H2AZ2: variants seen among roughly 807,000 people sequenced by gnomAD.
H2AZ2 encodes histone H2A.V.
Under a neutral mutation model 15.5 loss-of-function variants are expected in H2AZ2, and 5 were observed. That is an observed-to-expected ratio of 0.32 (90% CI 0.17 to 0.68). The LOEUF is 0.68. Among genes scored for constraint, H2AZ2 ranks in the 30% least tolerant of loss-of-function variants. The pLI, the probability that H2AZ2 is intolerant of heterozygous loss-of-function variation, is 0.72. For synonymous variants in H2AZ2, 44 were observed against 57.4 expected (o/e 0.77, Z 1.05); for missense variants, 42 against 162.5 (o/e 0.26, Z 4.03).
At chr7:44,839,105 T>A (rs922240978) in intron 3 of H2AZ2, among the ~76,000 whole-genome samples, 2 of 152,244 alleles carry the variant, frequency 1.3e-5, no homozygotes, top group Admixed American at 1.3e-4. Flanking sequence ...TGTATAACCC[T>A]GCAGAGAACC....
intron 1 of H2AZ2, among the ~76,000 whole-genome samples, chr7:44,846,732 A>G (rs1793420982): frequency 6.6e-6 from 1 of 152,000 alleles, no homozygotes; most frequent in Non-Finnish European, 1.5e-5. Context: ...GATTAGATGT[A>G]AGCTGTACCT....
chr7:44,833,630 C>A lies in H2AZ2; in HGVS notation c.*871G>T. 1.1e-6 allele frequency: 1 copy of A among 943,670 alleles called. No individual in the cohort carries two copies. 58.5% of individuals were successfully genotyped at this position (943,670 alleles called of 1,614,324 possible). Reference sequence around the variant, plus strand: ...TCTCCCGAAGTGTTGGGATTACAGGCGTAAACCACAATGCCAGGCCAAAAA... The same window carrying A: ...TCTCCCGAAGTGTTGGGATTACAGGAGTAAACCACAATGCCAGGCCAAAAA... On this transcript the variant is annotated 3_prime_UTR_variant, in exon 5 of 5. Transcript: ENST00000308153.
chr7:44,843,260 C>G lies in H2AZ2; in HGVS notation c.81+17G>C. 1 of 1,485,324 alleles carries G rather than the reference C, an allele frequency of 6.7e-7. No individual in the cohort carries two copies. Among genetic ancestry groups the G allele is most frequent in the Non-Finnish European group, 9.1e-7 (1 of 1,096,810 alleles). The allele number at this position is 1,485,324 out of a possible 1,614,324, so 92.0% of individuals were successfully genotyped here. ...AGTAAAGAAAATAATAATGTAATGA[C>G]AGCATGGATTCATTACCTGTAGCCC... On this transcript the variant is annotated intron_variant, in intron 2 of 4. Transcript: ENST00000308153.
At chr7:44,839,860 G>A (rs1025420025) in intron 3 of H2AZ2, among the ~76,000 whole-genome samples, 45 of 151,650 alleles carry the variant, frequency 3.0e-4, no homozygotes, top group African/African-American at 1.0e-3. Flanking sequence ...AAAATTAGCC[G>A]GGTGTAGTGG....
chr7:44,827,764 C>G (rs1242120566), downstream of H2AZ2: 3 of 152,238 alleles, frequency 2.0e-5, no homozygotes, highest in African/African-American at 7.2e-5. Context: ...GGGAGTTGAC[C>G]CCTTTGCTCT....
In H2AZ2 at chr7:44,834,079, G is replaced by A; in HGVS notation, c.*422C>T. On this transcript the variant is annotated 3_prime_UTR_variant, in exon 5 of 5. Coordinates refer to ENST00000308153, the MANE Select transcript of H2AZ2 (RefSeq NM_012412.5). The stretch of plus-strand genomic sequence containing the variant: ...TGCTACAGATCAATAGCATCTAAGA[G>A]TCAATATACCATGGTATCAATCATT... 1 of 825,132 alleles carries A rather than the reference G, an allele frequency of 1.2e-6. No homozygotes were observed. Among genetic ancestry groups the A allele is most frequent in the Non-Finnish European group, 1.5e-6 (1 of 682,678 alleles). 51.1% of individuals were successfully genotyped at this position (825,132 alleles called of 1,614,324 possible).
At chr7:44,828,224 C>T (rs1305884788), downstream of H2AZ2, 1 of 152,138 alleles carries the variant, frequency 6.6e-6, no homozygotes, top group Non-Finnish European at 1.5e-5. Context: ...TCACACATTA[C>T]TTATTATTAT....
intron 1 of H2AZ2, 62 bp downstream of exon 1, chr7:44,847,907 C>A: frequency 6.5e-7 from 1 of 1,531,966 alleles, no homozygotes; most frequent in Non-Finnish European, 8.7e-7. Flanking sequence ...GGCGCCGACG[C>A]CAGGGCCTCC....
chr7:44,837,454 A>G (rs1266287572), intron 3 of H2AZ2, among the ~76,000 whole-genome samples: 2 of 109,196 alleles, frequency 1.8e-5, no homozygotes, highest in East Asian at 2.7e-4. Context: ...AAAAAAAAAA[A>G]GTTGACTGCA....
intron 3 of H2AZ2, among the ~76,000 whole-genome samples, chr7:44,839,614 G>A (rs1461618164): frequency 3.3e-5 from 5 of 151,612 alleles, no homozygotes; most frequent in Admixed American, 2.0e-4. Flanking sequence ...TCCGGGAGGC[G>A]GAGGTTGCAG....
chr7:44,848,117 C>T (rs561545310), upstream of H2AZ2: 179 of 409,584 alleles, frequency 4.4e-4, 1 homozygote, highest in African/African-American at 3.3e-3. Flanking sequence ...GGCCAATGCC[C>T]GCTTGTCTTG....
At chr7:44,836,612 G>A (rs995211343) in intron 3 of H2AZ2, among the ~76,000 whole-genome samples, 1 of 151,930 alleles carries the variant, frequency 6.6e-6, no homozygotes, top group African/African-American at 2.4e-5. Context: ...CCACCTCCCG[G>A]GTTCAAACTA....
chr7:44,840,002 AAAATAAATAAAT>A (rs149563809), intron 3 of H2AZ2, among the ~76,000 whole-genome samples: 66 of 142,030 alleles, frequency 4.6e-4, no homozygotes, highest in Middle Eastern at 3.5e-3. Context: ...ACCCTGTCTC[AAAATAAATAAAT>A]AAATAAATAA....
At chr7:44,842,050 A>G (rs1201041225) in intron 2 of H2AZ2, among the ~76,000 whole-genome samples, 1 of 152,210 alleles carries the variant, frequency 6.6e-6, no homozygotes, top group Non-Finnish European at 1.5e-5. Flanking sequence ...AATAAAAACA[A>G]GCAATCTTTT....
In H2AZ2 at chr7:44,833,656, T is replaced by C; in HGVS notation, c.*845A>G. The C allele has an allele frequency of 1.0e-6, 1 of 984,612 alleles. No homozygotes were observed. The highest frequency in any genetic ancestry group is 1.7e-5 in the African/African-American group (1 of 57,342). The allele number at this position is 984,612 out of a possible 1,614,324, so 61.0% of individuals were successfully genotyped here. A position where few individuals can be genotyped will look rare whatever the true frequency, so the allele number is the denominator to read the frequency against. ...GTAAACCACAATGCCAGGCCAAAAA[T>C]TGGGATTTTAAACCAAAAGGAGAAA... On this transcript the variant is annotated 3_prime_UTR_variant, in exon 5 of 5. Coordinates refer to ENST00000308153, the MANE Select transcript of H2AZ2 (RefSeq NM_012412.5).
downstream of H2AZ2, among the ~76,000 whole-genome samples, chr7:44,831,347 C>A (rs1402286132): frequency 2.0e-5 from 3 of 150,084 alleles, no homozygotes; most frequent in Non-Finnish European, 4.4e-5. Context: ...CCTAGTTGTT[C>A]TATTTCTATG....
intron 3 of H2AZ2, among the ~76,000 whole-genome samples, 171 bp from the exon 4 acceptor site, chr7:44,835,829 T>C (rs181169042): frequency 6.6e-6 from 1 of 152,300 alleles, no homozygotes; most frequent in East Asian, 1.9e-4. Context: ...TTTAACTTCA[T>C]TTATATTCAT....
chr7:44,848,076 A>T lies in H2AZ2; in HGVS notation c.-105T>A. 1.6e-6 allele frequency: 1 copy of T among 630,808 alleles called. No individual in the cohort carries two copies. The highest frequency in any genetic ancestry group is 2.2e-6 in the Non-Finnish European group (1 of 445,566). The allele number at this position is 630,808 out of a possible 1,614,324, so 39.1% of individuals were successfully genotyped here. On this transcript the variant is annotated 5_prime_UTR_variant, in exon 1 of 5. Coordinates refer to ENST00000308153, the MANE Select transcript of H2AZ2 (RefSeq NM_012412.5). ...CACCGACCGCCGCCGCCGGAGCCGG[A>T]CAATACCCCGTGCCCGCCTCGCGCT...
chr7:44,832,863 T>C lies in H2AZ2; in HGVS notation c.*1638A>G, dbSNP rs930829032. On this transcript the variant is annotated 3_prime_UTR_variant, in exon 5 of 5. Transcript: ENST00000308153. ...TATTTGCAGGGCTGAGGTAAGAGGA[T>C]TGCTTGGGCCTGAGAGGTGGAGGCT... Among the ~76,000 whole-genome samples the C allele has an allele frequency of 8.5e-5, 13 of 152,092 alleles. No homozygotes were observed. In the South Asian group the frequency reaches 1.0e-3, roughly 12 times the overall value.
Sources: allele counts gnomAD v4.1 joint callset (sites outside exome capture counted in the v4.1 genomes callset), GRCh38; gene constraint gnomAD v4.1.1; transcripts MANE v1.5; gene names NCBI Gene and HGNC (gene_info 2026-07-23, HGNC 2026-07-21).